Variants in YIPF2 observed in about 807,000 individuals in gnomAD.
YIPF2 encodes the protein protein YIPF2.
A neutral mutation model predicts 38.8 loss-of-function variants in YIPF2; 30 were observed. The ratio of observed to expected loss-of-function variants is 0.77; its 90% CI spans 0.58 to 1.05. YIPF2 has a LOEUF of 1.05. YIPF2 is among the 50% of genes least tolerant of loss of function. The pLI is 0.00. For synonymous variants in YIPF2, 194 were observed against 183.8 expected (o/e 1.06, Z -0.45); for missense variants, 401 against 409.7 (o/e 0.98, Z 0.18).
At chr19:10,928,236 G>T in intron 2 of YIPF2, 144 bp downstream of exon 2, 1 of 1,019,262 alleles carries the variant, frequency 9.8e-7, no homozygotes, top group South Asian at 2.8e-5. Flanking sequence ...CGGGGGCGGG[G>T]TTCGAGTCAG....
Position 10,923,044 on chromosome 19 carries a change from T to G in YIPF2, c.*150A>C. On this transcript the variant is annotated 3_prime_UTR_variant, in exon 10 of 10. Transcript: ENST00000586748. ...ATAAATTCTCTGAATCACCTTTGCA[T>G]AGAAAATAAAAGTGTTTGCTTTGTA... The G allele has an allele frequency of 2.2e-6, 1 of 448,154 alleles. No individual in the cohort carries two copies. The highest frequency in any genetic ancestry group is 3.9e-6 in the Non-Finnish European group (1 of 254,842). The allele number at this position is 448,154 out of a possible 1,614,324, so 27.8% of individuals were successfully genotyped here.
At position 10,923,265 on chromosome 19, in the gene YIPF2, TC is replaced by T; in HGVS notation, c.*19+6del. ...GCCCCCTTAGCCCAGCTGGGAATAG[TC>T]CTTACCTGTGGGACCCGGGCCTTCC... On this transcript the variant is annotated splice_donor_region_variant and intron_variant, in intron 9 of 9. Transcript: ENST00000586748. The T allele has an allele frequency of 6.3e-7, 1 of 1,597,806 alleles. No individual in the cohort carries two copies. Among genetic ancestry groups the T allele is most frequent in the Non-Finnish European group, 8.5e-7 (1 of 1,173,502 alleles).
chr19:10,927,590 A>C (rs1458916510), intron 4 of YIPF2, 40 bp downstream of exon 4: 1 of 1,607,420 alleles, frequency 6.2e-7, no homozygotes, highest in South Asian at 1.1e-5. Flanking sequence ...AACCCTGAGC[A>C]TAACTCTGAG....
In YIPF2 at chr19:10,922,775, A is replaced by G. The variant is rs187876258; in HGVS notation, c.*419T>C. On this transcript the variant is annotated 3_prime_UTR_variant, in exon 10 of 10. Transcript: ENST00000586748. The stretch of plus-strand genomic sequence containing the variant: ...AATAAATGAGGAAACGTGTTGCAGC[A>G]CAGGCAGTTTTCTTCTCCTTCTGCT... The G allele has an allele frequency of 1.9e-3, 294 of 153,000 alleles. 1 individual carries two copies. The highest frequency in any genetic ancestry group is 5.0e-3 in the South Asian group (24 of 4,848). The allele number at this position is 153,000 out of a possible 1,614,324, so 9.5% of individuals were successfully genotyped here.
At chr19:10,928,056 C>G in intron 2 of YIPF2, 97 bp from the exon 3 acceptor site, 1 of 1,502,104 alleles carries the variant, frequency 6.7e-7, no homozygotes, top group Non-Finnish European at 9.0e-7. Flanking sequence ...GGCGGAGGCT[C>G]TGCTGAGCCA....
rs780762189 is a variant in YIPF2 at position 10,923,169 on chromosome 19, T to A, written c.*25A>T. On this transcript the variant is annotated 3_prime_UTR_variant, in exon 10 of 10. Transcript: ENST00000586748. ...AGGCAGAGGGGTTGGTCCACTTAGG[T>A]GTTGCCTGAAAGAAAGAATTGTCTG... The A allele has an allele frequency of 1.0e-6, 1 of 1,001,776 alleles. No homozygotes were observed. The highest frequency in any genetic ancestry group is 1.4e-6 in the Non-Finnish European group (1 of 691,820). The allele number at this position is 1,001,776 out of a possible 1,614,324, so 62.1% of individuals were successfully genotyped here.
chr19:10,928,561 CA>C lies in YIPF2; in HGVS notation c.-82del. On this transcript the variant is annotated 5_prime_UTR_variant, in exon 1 of 10. Transcript: ENST00000586748. ...GCTTGAACTCGTCGTCCCGTCCCCACAGGTGCGCTCCGCCCCCCCTCACCTG... is the reference window on the plus strand; with the variant it reads ...GCTTGAACTCGTCGTCCCGTCCCCACGGTGCGCTCCGCCCCCCCTCACCTG... 1 of 1,123,740 alleles carries C rather than the reference CA, an allele frequency of 8.9e-7. No individual in the cohort carries two copies. Among genetic ancestry groups the C allele is most frequent in the Non-Finnish European group, 1.2e-6 (1 of 842,024 alleles). 69.6% of individuals were successfully genotyped at this position (1,123,740 alleles called of 1,614,324 possible).
Position 10,923,531 on chromosome 19 carries a change from G to A in YIPF2, c.798C>T (p.Val266=), listed in dbSNP as rs141333361. The A allele has an allele frequency of 6.1e-4, 980 of 1,612,518 alleles. 10 individuals are homozygous for A. Among genetic ancestry groups the A allele is most frequent in the Middle Eastern group, 5.9e-3 (36 of 6,060 alleles). ...TGGCCAGGAGGGCGTGGAGCAGCAC[G>A]ACCACGGACAGCAGCACTGTGGCCA... is the stretch of plus-strand genomic sequence containing the variant. ...RLVATVLLSV[V]VLLHALLAMG... The change falls in exon 8 of 10, where the codon GTC becomes GTT. Residue 266 remains valine, a synonymous_variant. Coordinates refer to ENST00000586748, the MANE Select transcript of YIPF2 (RefSeq NM_001321439.2).
In YIPF2 at chr19:10,923,179, A is replaced by G. The variant is rs2074290877; in HGVS notation, c.*20-5T>C. ...GTTGGTCCACTTAGGTGTTGCCTGAAAGAAAGAATTGTCTGGGAGTGGCCC... is the reference window on the plus strand; with the variant it reads ...GTTGGTCCACTTAGGTGTTGCCTGAGAGAAAGAATTGTCTGGGAGTGGCCC... On this transcript the variant is annotated splice_region_variant and splice_polypyrimidine_tract_variant and intron_variant, in intron 9 of 9. Coordinates refer to ENST00000586748, the MANE Select transcript of YIPF2 (RefSeq NM_001321439.2). 8.6e-7 allele frequency: 1 copy of G among 1,156,462 alleles called. No homozygotes were observed. 71.6% of individuals were successfully genotyped at this position (1,156,462 alleles called of 1,614,324 possible). A position where few individuals can be genotyped will look rare whatever the true frequency, so the allele number is the denominator to read the frequency against.
At chr19:10,925,598 T>C (rs1456753919) in intron 5 of YIPF2, 88 bp downstream of exon 5, 5 of 1,481,736 alleles carry the variant, frequency 3.4e-6, no homozygotes, top group Non-Finnish European at 4.6e-6. Flanking sequence ...GAGTGACTGA[T>C]TTGTCCGCAG....
chr19:10,926,147 G>A (rs1156447474), intron 4 of YIPF2, among the ~76,000 whole-genome samples: 1 of 151,708 alleles, frequency 6.6e-6, no homozygotes, highest in Non-Finnish European at 1.5e-5. Context: ...CTGACCTCAG[G>A]TAATCCACCC....
At chr19:10,923,794 C>T in intron 7 of YIPF2, 39 bp downstream of exon 7, 3 of 1,599,602 alleles carry the variant, frequency 1.9e-6, no homozygotes, top group Non-Finnish European at 1.7e-6. Flanking sequence ...CCAGTGTCCC[C>T]ACACAGCCAC....
At chr19:10,924,375 G>A (rs1311783254) in intron 5 of YIPF2, among the ~76,000 whole-genome samples, 183 bp from the exon 6 acceptor site, 1 of 152,068 alleles carries the variant, frequency 6.6e-6, no homozygotes. Flanking sequence ...CCCCCTCCCC[G>A]AAACACTCAG....
rs374307134 is a variant in YIPF2 at position 10,925,710 on chromosome 19, G to T, written c.343C>A (p.Leu115Met). 2.5e-6 allele frequency: 4 copies of T among 1,613,926 alleles called. No individual in the cohort carries two copies. The Admixed American group carries it at 5.0e-5, about 20-fold the overall frequency. Residue 115 changes from leucine to methionine, a missense_variant, in exon 5 of 10, where the codon CTG becomes ATG. Physicochemically the swap from Leu to Met is conservative, Grantham distance 15. Coordinates refer to ENST00000586748, the MANE Select transcript of YIPF2 (RefSeq NM_001321439.2). ...CCATACAGATCCGGCCGATTCCGCA[G>T]ATGGTGCCGCACAAAGTTGTGGCCA... The part of the protein sequence containing the change: ...RPGHNFVRHH[L>M]RNRPDLYGPF...
At chr19:10,924,263 G>C (rs2083383399) in intron 5 of YIPF2, 71 bp from the exon 6 acceptor site, 1 of 1,377,860 alleles carries the variant, frequency 7.3e-7, no homozygotes, top group Admixed American at 1.9e-5. Flanking sequence ...TATCCTGACT[G>C]AGCTGTGCTG....
intron 2 of YIPF2, 40 bp from the exon 3 acceptor site, chr19:10,927,999 G>T: frequency 6.3e-7 from 1 of 1,578,942 alleles, no homozygotes. Flanking sequence ...CGTTTGAGGG[G>T]TGGAAAGAAC....
In YIPF2 at chr19:10,922,393, C is replaced by T. The variant is rs2074270068; in HGVS notation, c.*801G>A. The T allele has an allele frequency of 6.6e-6, 1 of 152,646 alleles. No individual in the cohort carries two copies. The highest frequency in any genetic ancestry group is 2.4e-5 in the African/African-American group (1 of 41,438). The allele number at this position is 152,646 out of a possible 1,614,324, so 9.5% of individuals were successfully genotyped here. ...TCACACTTGAATGTACAACCCACCC[C>T]ACTGTCGGGAAGGCCTCCGTCCTCG... On this transcript the variant is annotated 3_prime_UTR_variant, in exon 10 of 10. Transcript: ENST00000586748.
At chr19:10,926,160 C>T (rs2083422096) in intron 4 of YIPF2, among the ~76,000 whole-genome samples, 1 of 151,894 alleles carries the variant, frequency 6.6e-6, no homozygotes, top group Admixed American at 6.6e-5. Flanking sequence ...ATCCACCCAC[C>T]TCGGCCTCCC....
chr19:10,922,430 TTGC>T lies in YIPF2; in HGVS notation c.*761_*763del, dbSNP rs1246244288. The T allele has an allele frequency of 1.5e-4, 23 of 152,954 alleles. No individual in the cohort carries two copies. Among genetic ancestry groups the T allele is most frequent in the Admixed American group, 1.4e-3 (22 of 15,290 alleles). The allele number at this position is 152,954 out of a possible 1,614,324, so 9.5% of individuals were successfully genotyped here. A position where few individuals can be genotyped will look rare whatever the true frequency, so the allele number is the denominator to read the frequency against. On this transcript the variant is annotated 3_prime_UTR_variant, in exon 10 of 10. Coordinates refer to ENST00000586748, the MANE Select transcript of YIPF2 (RefSeq NM_001321439.2). ...GGCCTCCGTCCTCGGCCCCTGCCTC[TTGC>T]TGCTGTCCTGTCCCCGAGCCCCTGC...
Sources: gnomAD v4.1 joint callset for allele counts (sites outside exome capture counted in the v4.1 genomes callset) on GRCh38, gnomAD v4.1.1 for gene constraint, MANE v1.5 for transcripts, NCBI Gene and HGNC (gene_info 2026-07-23, HGNC 2026-07-21) for gene names.